PDS5B: variants seen among roughly 807,000 people sequenced by gnomAD.
PDS5B encodes the protein sister chromatid cohesion protein PDS5 homolog B.
A neutral mutation model predicts 184.1 loss-of-function variants in PDS5B; 51 were observed. That is an observed-to-expected ratio of 0.28 (90% confidence interval 0.22 to 0.35). The LOEUF (loss-of-function observed/expected upper bound fraction) is 0.35. Among genes scored for constraint, PDS5B ranks in the 10% least tolerant of loss-of-function variants. The pLI is 1.00. For missense variants in PDS5B, 1,180 were observed against 1,723.3 expected (o/e 0.68, Z 5.58); for synonymous variants, 566 against 569.2 (o/e 0.99, Z 0.08).
At chr13:32,665,685 A>G (rs1950776056) in intron 6 of PDS5B, among the ~76,000 whole-genome samples, 1 of 151,522 alleles carries the variant, frequency 6.6e-6, no homozygotes, top group Admixed American at 6.6e-5. Context: ...GCAAAGCCGT[A>G]TGAGAACAGA....
chr13:32,767,977 TAAAG>T (rs1405058936), intron 31 of PDS5B, among the ~76,000 whole-genome samples: 7 of 152,138 alleles, frequency 4.6e-5, no homozygotes, highest in Non-Finnish European at 8.8e-5. Flanking sequence ...ACATATAAAA[TAAAG>T]GAAGCACTAC....
chr13:32,737,427 C>T (rs1185833249), intron 21 of PDS5B, among the ~76,000 whole-genome samples: 1 of 152,096 alleles, frequency 6.6e-6, no homozygotes, highest in African/African-American at 2.4e-5. Flanking sequence ...AGCTCTGTGA[C>T]AGGAAAGCTT....
chr13:32,590,106 G>C (rs1425451356), intron 1 of PDS5B, among the ~76,000 whole-genome samples: 1 of 152,126 alleles, frequency 6.6e-6, no homozygotes, highest in Non-Finnish European at 1.5e-5. Context: ...TATAATCATT[G>C]TGTTCTAATA....
chr13:32,715,237 G>T (rs1037492864), intron 19 of PDS5B, among the ~76,000 whole-genome samples: 2 of 152,122 alleles, frequency 1.3e-5, no homozygotes, highest in Admixed American at 6.5e-5. Flanking sequence ...TATAACTAAA[G>T]AATTTCCTAG....
At chr13:32,744,587 T>C (rs1953679724) in intron 23 of PDS5B, among the ~76,000 whole-genome samples, 2 of 152,220 alleles carry the variant, frequency 1.3e-5, no homozygotes, top group South Asian at 4.1e-4. Context: ...TAGAAACCTC[T>C]GGTCCAGATG....
intron 20 of PDS5B, among the ~76,000 whole-genome samples, chr13:32,733,051 AT>A (rs1953180024): frequency 6.6e-6 from 1 of 152,152 alleles, no homozygotes; most frequent in Non-Finnish European, 1.5e-5. Flanking sequence ...AGATAATTTA[AT>A]TTTTGTGTAT....
At chr13:32,702,913 C>G (rs1211474557) in intron 17 of PDS5B, among the ~76,000 whole-genome samples, 1 of 151,990 alleles carries the variant, frequency 6.6e-6, no homozygotes, top group Non-Finnish European at 1.5e-5. Flanking sequence ...TTTTAATTGT[C>G]TATGGCTAGT....
rs1344366662 is a variant in PDS5B at position 32,729,670 on chromosome 13, T to C, written c.2124-2431T>C. 3.3e-5 allele frequency among the ~76,000 whole-genome samples: 5 copies of C among 152,338 alleles called. No individual in the cohort carries two copies. The East Asian group carries it at 9.6e-4, about 29-fold the overall frequency. On this transcript the variant is annotated intron_variant, in intron 19 of 34. Coordinates refer to ENST00000315596, the MANE Select transcript of PDS5B (RefSeq NM_015032.4). The stretch of plus-strand genomic sequence containing the variant: ...GATGTGAGATGGTATCTCATTGTGG[T>C]TTTGATTTGCATTTCTCTAATGACC...
At position 32,760,738 on chromosome 13, in the gene PDS5B, G is replaced by A. The variant is rs1213123482; in HGVS notation, c.3518+18G>A. 4 of 1,606,052 alleles carry A rather than the reference G, an allele frequency of 2.5e-6. No homozygotes were observed. The highest frequency in any genetic ancestry group is 2.6e-6 in the Non-Finnish European group (3 of 1,176,134). ...AAGGGGAGGTAAGTGCAAAAGAAAT[G>A]CCACAATTTACATTTAAGGATTCCA... is the stretch of plus-strand genomic sequence containing the variant. On this transcript the variant is annotated intron_variant, in intron 30 of 34. Coordinates refer to ENST00000315596, the MANE Select transcript of PDS5B (RefSeq NM_015032.4).
chr13:32,710,848 G>A (rs1194050373), intron 19 of PDS5B, among the ~76,000 whole-genome samples: 1 of 152,166 alleles, frequency 6.6e-6, no homozygotes, highest in Non-Finnish European at 1.5e-5. Context: ...TTGCCTATGG[G>A]TCTTTTCCTT....
Position 32,760,708 on chromosome 13 carries a change from G to T in PDS5B, c.3506G>T (p.Arg1169Ile), listed in dbSNP as rs768951693. Residue 1169 changes from arginine (R) to isoleucine (I), a missense_variant, in exon 30 of 35, where the codon AGA becomes ATA. Arg to Ile is a moderately conservative substitution (Grantham distance 97). Coordinates refer to ENST00000315596, the MANE Select transcript of PDS5B (RefSeq NM_015032.4). ...AGCTCAAATCCAAGCTCTCCTGGAA[G>T]AATAAAGGGGAGGTAAGTGCAAAAG... ...SSSSNPSSPG[R>I]IKGRLDSSEM... 2 of 1,613,070 alleles carry T rather than the reference G, an allele frequency of 1.2e-6. No homozygotes were observed. The highest frequency in any genetic ancestry group is 1.7e-5 in the Admixed American group (1 of 59,804).
At chr13:32,642,975 TCTG>T (rs1253997362) in intron 1 of PDS5B, among the ~76,000 whole-genome samples, 1 of 152,204 alleles carries the variant, frequency 6.6e-6, no homozygotes, top group Admixed American at 6.5e-5. Context: ...CTCTGTAGTT[TCTG>T]CTGTTGTGTT....
chr13:32,671,319 C>G (rs1412660675), intron 7 of PDS5B, among the ~76,000 whole-genome samples: 2 of 151,906 alleles, frequency 1.3e-5, no homozygotes, highest in African/African-American at 2.4e-5. Context: ...ATTTTTTTCC[C>G]TTAATTTTTC....
At chr13:32,626,574 C>T (rs2058373885) in intron 1 of PDS5B, among the ~76,000 whole-genome samples, 1 of 151,898 alleles carries the variant, frequency 6.6e-6, no homozygotes, top group Non-Finnish European at 1.5e-5. Flanking sequence ...CTCCTGTCAC[C>T]ATCCTACTCA....
chr13:32,634,991 C>A (rs9526486), intron 1 of PDS5B, among the ~76,000 whole-genome samples: 2 of 146,382 alleles, frequency 1.4e-5, no homozygotes, highest in Non-Finnish European at 1.5e-5. Context: ...AGCAATATTT[C>A]TTACTGCCTC....
chr13:32,630,141 T>G (rs1013271471), intron 1 of PDS5B, among the ~76,000 whole-genome samples: 2 of 152,224 alleles, frequency 1.3e-5, no homozygotes, highest in Non-Finnish European at 2.9e-5. Context: ...TGTTAGAGAA[T>G]ACACCACAAG....
At chr13:32,661,174 A>G (rs1950631828) in intron 6 of PDS5B, among the ~76,000 whole-genome samples, 1 of 152,076 alleles carries the variant, frequency 6.6e-6, no homozygotes. Flanking sequence ...ACCTGAGGCC[A>G]GGAGTTCAAG....
chr13:32,687,132 A>T lies in PDS5B; in HGVS notation c.1204-2A>T, dbSNP rs766830132. 1 of 1,586,434 alleles carries T rather than the reference A, an allele frequency of 6.3e-7. No homozygotes were observed. Among genetic ancestry groups the T allele is most frequent in the East Asian group, 2.3e-5 (1 of 44,312 alleles). On this transcript the variant is annotated splice_acceptor_variant, in intron 11 of 34. Coordinates refer to ENST00000315596, the MANE Select transcript of PDS5B (RefSeq NM_015032.4). LOFTEE classifies it high-confidence loss of function. ...TTATAAATAAAACTTTTTGTTTTTA[A>T]GTGGAGAGTACGCAAAGAAGCCATG... is the stretch of plus-strand genomic sequence containing the variant.
intron 8 of PDS5B, 75 bp downstream of exon 8, chr13:32,673,431 T>C: frequency 8.0e-7 from 1 of 1,256,744 alleles, no homozygotes; most frequent in Non-Finnish European, 1.1e-6. Context: ...TTTTAATTTT[T>C]ACAGTAGTTT....
Sources: gnomAD v4.1 joint callset for allele counts (sites outside exome capture counted in the v4.1 genomes callset) on GRCh38, gnomAD v4.1.1 for gene constraint, MANE v1.5 for transcripts, NCBI Gene and HGNC (gene_info 2026-07-23, HGNC 2026-07-21) for gene names.